NGLY1: variants seen among roughly 807,000 people sequenced by gnomAD.
The protein encoded by NGLY1 is N-glycanase 1, also known as peptide-N(4)-(N-acetyl-beta-glucosaminyl)asparagine amidase.
A neutral mutation model predicts 84.6 loss-of-function variants in NGLY1; 68 were observed. That is an observed-to-expected ratio of 0.80 (90% CI 0.66 to 0.98). NGLY1 has a LOEUF of 0.98. Among genes scored for constraint, NGLY1 ranks in the 50% least tolerant of loss-of-function variants. The pLI is 0.00. For synonymous variants in NGLY1, 280 were observed against 275.2 expected (o/e 1.02, Z -0.17); for missense variants, 779 against 770.2 (o/e 1.01, Z -0.14).
At chr3:25,789,801 G>A (rs1159085478) in intron 1 of NGLY1, 3 of 1,524,724 alleles carry the variant, frequency 2.0e-6, no homozygotes, top group Non-Finnish European at 8.9e-7. Flanking sequence ...CGACAAAAGG[G>A]AATATTTGGG....
chr3:25,772,689 CTTTGT>C (rs1466496353), intron 2 of NGLY1, among the ~76,000 whole-genome samples: 1 of 71,736 alleles, frequency 1.4e-5, no homozygotes, highest in Non-Finnish European at 5.0e-5. Context: ...TGTGTGAATA[CTTTGT>C]TTTTTTTTCA....
At chr3:25,733,251 T>A (rs1705631970) in intron 8 of NGLY1, among the ~76,000 whole-genome samples, 1 of 152,196 alleles carries the variant, frequency 6.6e-6, no homozygotes, top group East Asian at 1.9e-4. Context: ...ATTAATGTGC[T>A]CTGCCCTGTT....
At chr3:25,780,456 T>C (rs1438544641) in intron 1 of NGLY1, among the ~76,000 whole-genome samples, 6 of 152,238 alleles carry the variant, frequency 3.9e-5, no homozygotes, top group African/African-American at 1.4e-4. Context: ...ACCAGGATGA[T>C]ATATCCTACT....
intron 10 of NGLY1, among the ~76,000 whole-genome samples, chr3:25,727,363 T>C (rs887369615): frequency 1.3e-5 from 2 of 152,182 alleles, no homozygotes; most frequent in Non-Finnish European, 2.9e-5. Context: ...TTTAAATCTT[T>C]CTCACACTAT....
intron 1 of NGLY1, among the ~76,000 whole-genome samples, chr3:25,781,308 AAG>A (rs1211487918): frequency 6.6e-6 from 1 of 152,096 alleles, no homozygotes; most frequent in Admixed American, 6.5e-5. Context: ...TTCTCAGTAA[AAG>A]TATACTGCAA....
At chr3:25,778,446 T>C (rs1452035644) in intron 2 of NGLY1, 128 bp downstream of exon 2, 3 of 488,848 alleles carry the variant, frequency 6.1e-6, no homozygotes, top group South Asian at 4.7e-5. Flanking sequence ...AATGAAGAAA[T>C]AACTACTTCT....
At chr3:25,754,965 G>C in intron 3 of NGLY1, 1 of 760,536 alleles carries the variant, frequency 1.3e-6, no homozygotes, top group Admixed American at 1.8e-5. Flanking sequence ...AACGCTCCTA[G>C]GGATGCCTTG....
chr3:25,786,972 C>G (rs1191716091), upstream of NGLY1, among the ~76,000 whole-genome samples: 3 of 152,186 alleles, frequency 2.0e-5, no homozygotes, highest in Non-Finnish European at 4.4e-5. Context: ...AGTATGGTCC[C>G]TACTTTCATA....
At chr3:25,737,147 T>C (rs1242559602) in intron 6 of NGLY1, 187 bp downstream of exon 6, 4 of 514,026 alleles carry the variant, frequency 7.8e-6, no homozygotes, top group Non-Finnish European at 1.4e-5. Context: ...TGCTAGGTGT[T>C]TTACAAAACT....
chr3:25,781,820 A>G (rs1708431743), intron 1 of NGLY1, among the ~76,000 whole-genome samples: 1 of 152,228 alleles, frequency 6.6e-6, no homozygotes, highest in African/African-American at 2.4e-5. Flanking sequence ...GGGTTTCACT[A>G]GATTTAAAGC....
In NGLY1 at chr3:25,783,347, G is replaced by A. The variant is rs754904758; in HGVS notation, c.44C>T (p.Pro15Leu). The A allele has an allele frequency of 1.9e-6, 3 of 1,575,176 alleles. No individual in the cohort carries two copies. The highest frequency in any genetic ancestry group is 1.1e-5 in the South Asian group (1 of 86,962). ...ALGSSSGSAS[P>L]AVAELCQNTP... ...GTTCTGGCAGAGCTCAGCCACGGCC[G>A]GGGACGCCGAGCCTGAGGAGCTGCC... Residue 15 changes from proline (P) to leucine (L), a missense_variant, in exon 1 of 12, where the codon CCG (proline) becomes CTG (leucine). Pro to Leu is a moderately conservative substitution (Grantham distance 98). Transcript: ENST00000280700. The surrounding 1 kb of genome is among the most constrained non-coding windows in gnomAD (Gnocchi z 4.5).
At chr3:25,737,149 T>C (rs1003438619) in intron 6 of NGLY1, 185 bp downstream of exon 6, 3 of 517,022 alleles carry the variant, frequency 5.8e-6, no homozygotes, top group South Asian at 3.4e-5. Context: ...CTAGGTGTTT[T>C]ACAAAACTCT....
intron 3 of NGLY1, chr3:25,755,624 A>G (rs1215614421): frequency 1.3e-6 from 2 of 1,495,828 alleles, no homozygotes; most frequent in Non-Finnish European, 1.9e-6. Flanking sequence ...CAGCCAATGA[A>G]GCAAACCCAC....
chr3:25,726,658 T>G (rs531655057), intron 10 of NGLY1, among the ~76,000 whole-genome samples: 4 of 152,088 alleles, frequency 2.6e-5, no homozygotes, highest in African/African-American at 9.7e-5. Flanking sequence ...AGGACCAGAT[T>G]TGGAAAAGAC....
At chr3:25,753,275 TG>T (rs1181784530) in intron 3 of NGLY1, among the ~76,000 whole-genome samples, 1 of 152,080 alleles carries the variant, frequency 6.6e-6, no homozygotes, top group African/African-American at 2.4e-5. Context: ...TGAGGGGAAA[TG>T]ATTAGGAACA....
At chr3:25,761,131 G>A (rs892547407) in intron 3 of NGLY1, among the ~76,000 whole-genome samples, 1 of 152,028 alleles carries the variant, frequency 6.6e-6, no homozygotes, top group Non-Finnish European at 1.5e-5. Flanking sequence ...TTTCTAGAGT[G>A]ATAAAGAGTT....
At chr3:25,775,228 A>C (rs1169485832) in intron 2 of NGLY1, among the ~76,000 whole-genome samples, 1 of 152,204 alleles carries the variant, frequency 6.6e-6, no homozygotes, top group Non-Finnish European at 1.5e-5. Context: ...AAAGTTCACG[A>C]TGTGAGTTTC....
chr3:25,752,578 G>A (rs1706810650), intron 3 of NGLY1, among the ~76,000 whole-genome samples: 1 of 151,886 alleles, frequency 6.6e-6, no homozygotes, highest in African/African-American at 2.4e-5. Context: ...GGAGGCCAAG[G>A]TGGAAGGATT....
At chr3:25,755,652 AGAT>A (rs1707001614) in intron 3 of NGLY1, 8 of 1,480,750 alleles carry the variant, frequency 5.4e-6, no homozygotes, top group Non-Finnish European at 7.5e-6. Flanking sequence ...AAAAACATGA[AGAT>A]GATGATGACA....
Sources: gnomAD v4.1 joint callset for allele counts (sites outside exome capture counted in the v4.1 genomes callset) on GRCh38, gnomAD v4.1.1 for gene constraint, Gnocchi (gnomAD v3.1) non-coding constraint, MANE v1.5 for transcripts, NCBI Gene and HGNC (gene_info 2026-07-23, HGNC 2026-07-21) for gene names.